JMJD1C: variants seen among roughly 807,000 people sequenced by gnomAD.
The protein encoded by JMJD1C is jumonji domain-containing protein 1C.
Under a neutral mutation model 245.3 loss-of-function variants are expected in JMJD1C, and 31 were observed. The observed-to-expected ratio is 0.13, with a 90% confidence interval of 0.09 to 0.17. The LOEUF (loss-of-function observed/expected upper bound fraction) is 0.17, where lower values mean the gene tolerates loss of function less well. Among genes scored for constraint, JMJD1C ranks in the 10% least tolerant of loss-of-function variants. JMJD1C has a pLI of 1.00. For missense variants in JMJD1C, 2,691 were observed against 3,000.2 expected, an observed-to-expected ratio of 0.90 and a Z score of 2.41; for synonymous variants, 1,057 against 1,017.4, an observed-to-expected ratio of 1.04 and a Z score of -0.74.
chr10:63,252,157 T>G (rs1400902929), intron 3 of JMJD1C, among the ~76,000 whole-genome samples: 1 of 152,230 alleles, frequency 6.6e-6, no homozygotes, highest in African/African-American at 2.4e-5. Flanking sequence ...AGGCATTTTA[T>G]TTGCTAAGTC....
intron 2 of JMJD1C, among the ~76,000 whole-genome samples, chr10:63,337,044 T>A (rs1942809994): frequency 6.6e-6 from 1 of 152,016 alleles, no homozygotes; most frequent in South Asian, 2.1e-4. Context: ...TTTCACCATG[T>A]TGGCCAGGCT....
chr10:63,242,960 T>C (rs1309140646), intron 3 of JMJD1C, among the ~76,000 whole-genome samples: 1 of 151,708 alleles, frequency 6.6e-6, no homozygotes, highest in Non-Finnish European at 1.5e-5. Flanking sequence ...AGTGGTTATA[T>C]GCCTTTCATA....
chr10:63,412,225 A>G (rs117168257), intron 1 of JMJD1C, among the ~76,000 whole-genome samples: 1 of 152,280 alleles, frequency 6.6e-6, no homozygotes, highest in Non-Finnish European at 1.5e-5. Context: ...AGTCTTAACA[A>G]TGACATAAAG....
At chr10:63,228,439 C>A (rs989481045) in intron 3 of JMJD1C, among the ~76,000 whole-genome samples, 8 of 151,858 alleles carry the variant, frequency 5.3e-5, no homozygotes, top group Non-Finnish European at 1.2e-4. Context: ...ATCCCTTATG[C>A]CCAGAAGTTC....
At chr10:63,416,213 A>T (rs1227849268) in intron 1 of JMJD1C, among the ~76,000 whole-genome samples, 1 of 152,206 alleles carries the variant, frequency 6.6e-6, no homozygotes, top group Non-Finnish European at 1.5e-5. Flanking sequence ...AAATTGTTAT[A>T]CATGATCATG....
At chr10:63,393,304 A>G (rs1462998338) in intron 1 of JMJD1C, among the ~76,000 whole-genome samples, 1 of 152,124 alleles carries the variant, frequency 6.6e-6, no homozygotes, top group Non-Finnish European at 1.5e-5. Context: ...CAACAACATG[A>G]ATCATCAGGG....
At chr10:63,202,002 C>G (rs1345129059) in intron 10 of JMJD1C, among the ~76,000 whole-genome samples, 1 of 151,326 alleles carries the variant, frequency 6.6e-6, no homozygotes, top group African/African-American at 2.4e-5. Flanking sequence ...TCATGCCTAT[C>G]CCAGAACTTT....
At chr10:63,268,970 G>A (rs1855965670) in intron 2 of JMJD1C, 1 of 985,550 alleles carries the variant, frequency 1.0e-6, no homozygotes, top group East Asian at 1.1e-4. Flanking sequence ...TGGCAGTGAT[G>A]AGGATTACAA....
chr10:63,217,555 C>CTT (rs1454698168), intron 4 of JMJD1C, among the ~76,000 whole-genome samples: 1 of 152,074 alleles, frequency 6.6e-6, no homozygotes, highest in African/African-American at 2.4e-5. Context: ...AAATAAAATA[C>CTT]TTTAAGAGAG....
chr10:63,315,420 G>A (rs1447640931), intron 2 of JMJD1C, among the ~76,000 whole-genome samples: 2 of 152,094 alleles, frequency 1.3e-5, no homozygotes, highest in Non-Finnish European at 2.9e-5. Context: ...TTCATCTATT[G>A]TAACATTCCT....
At chr10:63,418,168 G>A (rs535649176) in intron 1 of JMJD1C, among the ~76,000 whole-genome samples, 2 of 152,256 alleles carry the variant, frequency 1.3e-5, no homozygotes, top group Non-Finnish European at 2.9e-5. Flanking sequence ...AAAGCAAACT[G>A]CTTAGCCATA....
At chr10:63,260,984 A>T (rs1278327645) in intron 3 of JMJD1C, among the ~76,000 whole-genome samples, 1 of 152,096 alleles carries the variant, frequency 6.6e-6, no homozygotes, top group African/African-American at 2.4e-5. Context: ...GAATCTGCAG[A>T]TTTCCCCACT....
At chr10:63,304,889 T>C (rs969068382) in intron 2 of JMJD1C, among the ~76,000 whole-genome samples, 4 of 152,154 alleles carry the variant, frequency 2.6e-5, no homozygotes, top group Non-Finnish European at 4.4e-5. Context: ...ATTCCAGTAC[T>C]TGGGGAGGCT....
chr10:63,312,612 A>C (rs1939378530), intron 2 of JMJD1C, among the ~76,000 whole-genome samples: 1 of 152,320 alleles, frequency 6.6e-6, no homozygotes, highest in South Asian at 2.1e-4. Flanking sequence ...GAAGTTTTTT[A>C]TATTTAAAAA....
intron 1 of JMJD1C, among the ~76,000 whole-genome samples, chr10:63,470,982 A>C (rs1953475304): frequency 6.6e-6 from 1 of 152,220 alleles, no homozygotes; most frequent in African/African-American, 2.4e-5. Context: ...CTGAGTGAGG[A>C]ACTACAAGAA....
At chr10:63,488,861 G>T (rs1306063037) in intron 1 of JMJD1C, among the ~76,000 whole-genome samples, 1 of 152,134 alleles carries the variant, frequency 6.6e-6, no homozygotes, top group Non-Finnish European at 1.5e-5. Flanking sequence ...CTGTTTATAT[G>T]AGTGTGTTCA....
intron 2 of JMJD1C, among the ~76,000 whole-genome samples, chr10:63,319,934 T>G (rs1236701850): frequency 6.6e-6 from 1 of 152,162 alleles, no homozygotes; most frequent in Non-Finnish European, 1.5e-5. Flanking sequence ...CAGCTAATTT[T>G]TTTGTAGTTT....
intron 2 of JMJD1C, among the ~76,000 whole-genome samples, chr10:63,326,417 T>TAAAG (rs1290231606): frequency 1.5e-5 from 2 of 133,302 alleles, no homozygotes; most frequent in African/African-American, 5.0e-5. Flanking sequence ...AATAAATAAA[T>TAAAG]AAATAAATAA....
At chr10:63,231,591 C>T (rs1466121895) in intron 3 of JMJD1C, among the ~76,000 whole-genome samples, 1 of 152,008 alleles carries the variant, frequency 6.6e-6, no homozygotes, top group Admixed American at 6.5e-5. Flanking sequence ...GTCAGGAGTT[C>T]GAGATCAGCC....
Sources: allele counts gnomAD v4.1 joint callset (sites outside exome capture counted in the v4.1 genomes callset), GRCh38; gene constraint gnomAD v4.1.1; transcripts MANE v1.5; gene names NCBI Gene and HGNC (gene_info 2026-07-23, HGNC 2026-07-21).